Variants in WWC1 observed in about 807,000 individuals in gnomAD.
The protein encoded by WWC1 is WW and C2 domain containing 1, also known as protein KIBRA.
Under a neutral mutation model 138.4 loss-of-function variants are expected in WWC1, and 55 were observed. The ratio of observed to expected loss-of-function variants is 0.40; its 90% CI spans 0.32 to 0.50. The LOEUF (loss-of-function observed/expected upper bound fraction) is 0.50. Among genes scored for constraint, WWC1 ranks in the 20% least tolerant of loss-of-function variants. The pLI is 0.72. For synonymous variants in WWC1, 524 were observed against 564.9 expected (o/e 0.93, Z 1.03); for missense variants, 1,226 against 1,420.4 (o/e 0.86, Z 2.20).
intron 1 of WWC1, among the ~76,000 whole-genome samples, chr5:168,335,881 A>G (rs1773413180): frequency 6.6e-6 from 1 of 152,260 alleles, no homozygotes; most frequent in Admixed American, 6.5e-5. Flanking sequence ...CAGGATACAG[A>G]CACAGCTCCC....
At chr5:168,314,521 T>G (rs1314109051) in intron 1 of WWC1, among the ~76,000 whole-genome samples, 1 of 151,808 alleles carries the variant, frequency 6.6e-6, no homozygotes, top group Non-Finnish European at 1.5e-5. Flanking sequence ...GAGCCGAGAT[T>G]GCGCCATTGG....
Position 168,434,851 on chromosome 5 carries a change from G to A in WWC1, c.2280+3407G>A, listed in dbSNP as rs572318382. On this transcript the variant is annotated intron_variant, in intron 15 of 22. Coordinates refer to ENST00000265293, the MANE Select transcript of WWC1 (RefSeq NM_015238.3). ...AATGCCACCCAGCCCGGGCTCTCTC[G>A]AGCTAGCCTGCTTCTCAGGCCCCAC... Among the ~76,000 whole-genome samples the A allele has an allele frequency of 1.7e-4, 26 of 152,204 alleles. No individual in the cohort carries two copies. The South Asian group carries it at 1.9e-3, about 11-fold the overall frequency.
chr5:168,446,665 G>A (rs1582330697), intron 17 of WWC1, among the ~76,000 whole-genome samples: 1 of 152,226 alleles, frequency 6.6e-6, no homozygotes. Flanking sequence ...TGTTGGGCAA[G>A]TCGCTCTAAC....
chr5:168,374,350 G>A (rs1326650641), intron 2 of WWC1, among the ~76,000 whole-genome samples: 2 of 152,172 alleles, frequency 1.3e-5, no homozygotes, highest in Non-Finnish European at 2.9e-5. Flanking sequence ...AGAAAGGGCC[G>A]TGGTAATGGT....
At chr5:168,298,686 C>T (rs1338083100) in intron 1 of WWC1, among the ~76,000 whole-genome samples, 1 of 152,190 alleles carries the variant, frequency 6.6e-6, no homozygotes, top group African/African-American at 2.4e-5. Context: ...AGTGTTTACT[C>T]TCTGCTGCCC....
intron 14 of WWC1, 109 bp from the exon 15 acceptor site, chr5:168,431,143 A>G: frequency 1.0e-6 from 1 of 973,126 alleles, no homozygotes. Context: ...ACTTCTACAA[A>G]CTCTCATCCA....
At chr5:168,468,079 T>C (rs749781244) in intron 22 of WWC1, 115 bp downstream of exon 22, 8 of 1,499,090 alleles carry the variant, frequency 5.3e-6, no homozygotes, top group Non-Finnish European at 6.3e-6. Flanking sequence ...TGGCTTTCCC[T>C]GTAACAGATG....
At chr5:168,456,170 G>A (rs1276152707) in intron 19 of WWC1, among the ~76,000 whole-genome samples, 1 of 151,968 alleles carries the variant, frequency 6.6e-6, no homozygotes, top group Admixed American at 6.6e-5. Flanking sequence ...TGGGCATGGT[G>A]GCATGCACTT....
Position 168,467,881 on chromosome 5 carries a change from C to A in WWC1, c.3192C>A (p.Asp1064Glu). Reference sequence around the variant, plus strand: ...AGCACAAGGGTGAGCTTCAGACAGACAAGATGATGAGGGCAGCTGCCAAGG... The same window carrying A: ...AGCACAAGGGTGAGCTTCAGACAGAAAAGATGATGAGGGCAGCTGCCAAGG... The part of the protein sequence containing the change: ...RAEHKGELQT[D>E]KMMRAAAKDV... The change falls in exon 22 of 23, where the codon GAC (aspartate) becomes GAA (glutamate). Residue 1064 changes from aspartate to glutamate, a missense_variant. Asp to Glu is a conservative substitution (Grantham distance 45). Around this residue, in one of 3 missense-constraint regions of WWC1, gnomAD observed 206 missense variants for 247.4 expected, o/e 0.83. Coordinates refer to ENST00000265293, the MANE Select transcript of WWC1 (RefSeq NM_015238.3). 6.2e-7 allele frequency: 1 copy of A among 1,614,206 alleles called. No individual in the cohort carries two copies. The highest frequency in any genetic ancestry group is 1.1e-5 in the South Asian group (1 of 91,086).
chr5:168,302,612 A>T (rs1581859594), intron 1 of WWC1, among the ~76,000 whole-genome samples: 1 of 152,076 alleles, frequency 6.6e-6, no homozygotes, highest in Non-Finnish European at 1.5e-5. Context: ...TGGGAGTGCA[A>T]TGGTGATACA....
chr5:168,328,631 C>A (rs1412874751), intron 1 of WWC1, among the ~76,000 whole-genome samples: 1 of 152,142 alleles, frequency 6.6e-6, no homozygotes, highest in Admixed American at 6.5e-5. Context: ...ACTGCAACCT[C>A]CGCCTCCCGG....
intron 1 of WWC1, among the ~76,000 whole-genome samples, chr5:168,343,918 TC>T (rs1774257997): frequency 6.6e-6 from 1 of 151,922 alleles, no homozygotes; most frequent in South Asian, 2.1e-4. Flanking sequence ...CCACCATACC[TC>T]CACTCAGTCT....
At chr5:168,388,208 A>G (rs1778189430) in intron 3 of WWC1, among the ~76,000 whole-genome samples, 1 of 152,238 alleles carries the variant, frequency 6.6e-6, no homozygotes, top group South Asian at 2.1e-4. Flanking sequence ...ATCCCTCACA[A>G]GAATATTTCA....
intron 1 of WWC1, among the ~76,000 whole-genome samples, chr5:168,295,130 T>C (rs1769412272): frequency 6.6e-6 from 1 of 152,204 alleles, no homozygotes. Context: ...CCCTCCGGCA[T>C]ACCCCATTTT....
In WWC1 at chr5:168,423,634, C is replaced by A. The variant is rs772962820; in HGVS notation, c.1376C>A (p.Ser459Ter). The A allele has an allele frequency of 6.2e-7, 1 of 1,614,168 alleles. No individual in the cohort carries two copies. The highest frequency in any genetic ancestry group is 2.2e-5 in the East Asian group (1 of 44,882). The change falls in exon 11 of 23, where the codon TCA becomes TAA. Residue 459 changes from serine (S) to a stop codon, truncating the protein, a stop_gained. Coordinates refer to ENST00000265293, the MANE Select transcript of WWC1 (RefSeq NM_015238.3). LOFTEE classifies it high-confidence loss of function. Reference sequence around the variant, plus strand: ...GCATCCAGCCTGGACTCCTCCACTTCAGCCAGCTTCACTGACCTCTACTAT... The same window carrying A: ...GCATCCAGCCTGGACTCCTCCACTTAAGCCAGCTTCACTGACCTCTACTAT... ...LVASSLDSST[S>*]ASFTDLYYDP...
At chr5:168,409,329 C>T (rs1780045866) in intron 7 of WWC1, among the ~76,000 whole-genome samples, 1 of 152,228 alleles carries the variant, frequency 6.6e-6, no homozygotes, top group Non-Finnish European at 1.5e-5. Flanking sequence ...CCAAGGGTGA[C>T]CGGTGAGCCT....
At chr5:168,408,965 G>T (rs919152118) in intron 7 of WWC1, among the ~76,000 whole-genome samples, 4 of 149,906 alleles carry the variant, frequency 2.7e-5, no homozygotes, top group African/African-American at 9.8e-5. Flanking sequence ...TCTTTCTCTG[G>T]TTTTTTTTTT....
chr5:168,356,580 C>G (rs531855838), intron 1 of WWC1, among the ~76,000 whole-genome samples: 1 of 152,224 alleles, frequency 6.6e-6, no homozygotes. Context: ...ATCACTGAAA[C>G]CTGTAGACAA....
chr5:168,331,753 A>C (rs1321790316), intron 1 of WWC1, among the ~76,000 whole-genome samples: 2 of 152,224 alleles, frequency 1.3e-5, no homozygotes, highest in African/African-American at 4.8e-5. Context: ...GTTCTTATTG[A>C]AAAACTTTCT....
Sources: gnomAD v4.1 joint callset for allele counts (sites outside exome capture counted in the v4.1 genomes callset) on GRCh38, gnomAD v4.1.1 for gene constraint, gnomAD v4.1.1 regional missense constraint, MANE v1.5 for transcripts, NCBI Gene and HGNC (gene_info 2026-07-23, HGNC 2026-07-21) for gene names.